The following FGF13 variants were observed in gnomAD, a reference collection of about 807,000 sequenced individuals.
The protein encoded by FGF13 is fibroblast growth factor 13.
A neutral mutation model predicts 19.5 loss-of-function variants in FGF13; 2 were observed. The observed-to-expected ratio is 0.10, with a 90% CI of 0.04 to 0.32. The LOEUF is 0.32. Among genes scored for constraint, FGF13 ranks in the 10% least tolerant of loss-of-function variants. The probability of loss-of-function intolerance (pLI) is 1.00; values close to 1 mark genes in which losing one functional copy is unlikely to be tolerated. For missense variants in FGF13, 113 were observed against 192.7 expected (o/e 0.59, Z 2.45); for synonymous variants, 72 against 76.9 (o/e 0.94, Z 0.33).
chrX:138,869,416 G>T (rs2091346019), intron 1 of FGF13, among the ~76,000 whole-genome samples: 1 of 112,535 alleles, frequency 8.9e-6, no homozygotes, highest in African/African-American at 3.2e-5. Flanking sequence ...AAAGCAGGGA[G>T]GAAGTACAGG....
intron 1 of FGF13, among the ~76,000 whole-genome samples, chrX:139,107,714 A>G (rs1233930806): frequency 9.0e-6 from 1 of 110,654 alleles, no homozygotes; most frequent in African/African-American, 3.3e-5. Flanking sequence ...AAAATATAAA[A>G]TATTAACTGA....
intron 3 of FGF13, among the ~76,000 whole-genome samples, chrX:138,790,243 G>A (rs2090732207): frequency 1.9e-5 from 2 of 106,472 alleles, no homozygotes; most frequent in Non-Finnish European, 3.9e-5. Flanking sequence ...CTCACATGGG[G>A]GAAAGAGAAC....
At chrX:138,906,309 A>G (rs1056112110) in intron 1 of FGF13, among the ~76,000 whole-genome samples, 1 of 112,348 alleles carries the variant, frequency 8.9e-6, no homozygotes, top group Non-Finnish European at 1.9e-5. Flanking sequence ...GCAGCATGCA[A>G]TAATTATTAA....
At position 138,782,133 on chromosome X, in the gene FGF13, A is replaced by G. The variant is rs745693414; in HGVS notation, c.218-73205T>C. On this transcript the variant is annotated intron_variant, in intron 3 of 6. Transcript: ENST00000436198. ...ACCCTTCATGCTAAAAACTCTCAATAAATTAGGTATTGATGGGACATATTT... is the reference window on the plus strand; with the variant it reads ...ACCCTTCATGCTAAAAACTCTCAATGAATTAGGTATTGATGGGACATATTT... 7.1e-5 allele frequency among the ~76,000 whole-genome samples: 8 copies of G among 112,176 alleles called. No homozygotes were observed. The South Asian group carries it at 3.0e-3, about 42-fold the overall frequency.
intron 1 of FGF13, among the ~76,000 whole-genome samples, chrX:139,085,990 T>C (rs2124444773): frequency 8.9e-6 from 1 of 112,751 alleles, no homozygotes; most frequent in South Asian, 3.6e-4. Flanking sequence ...ATAGTATATA[T>C]GTTAAAATGC....
At chrX:138,758,096 C>T in intron 3 of FGF13, among the ~76,000 whole-genome samples, 1 of 111,491 alleles carries the variant, frequency 9.0e-6, no homozygotes, top group Non-Finnish European at 1.9e-5. Context: ...GTGTCTGCTC[C>T]TCAAAGTCAA....
At chrX:139,033,051 A>AC (rs1556340455) in intron 1 of FGF13, among the ~76,000 whole-genome samples, 1 of 97,747 alleles carries the variant, frequency 1.0e-5, no homozygotes, top group African/African-American at 3.9e-5. Flanking sequence ...AAAAAAAAAA[A>AC]AAAACTACAG....
chrX:138,661,333 T>C (rs2089488622), intron 3 of FGF13, among the ~76,000 whole-genome samples: 1 of 112,145 alleles, frequency 8.9e-6, no homozygotes, highest in Admixed American at 9.5e-5. Context: ...TACAGAGTAA[T>C]GGTTTGCTTT....
intron 3 of FGF13, among the ~76,000 whole-genome samples, chrX:138,650,311 G>A (rs184829074): frequency 2.6e-4 from 29 of 111,904 alleles, no homozygotes; most frequent in African/African-American, 8.1e-4. Flanking sequence ...ATTAGAAGCG[G>A]CAGCAGCTAA....
chrX:138,773,913 C>A (rs1311788874), intron 3 of FGF13, among the ~76,000 whole-genome samples: 1 of 111,406 alleles, frequency 9.0e-6, no homozygotes, highest in African/African-American at 3.3e-5. Flanking sequence ...CAGGTTTTGC[C>A]TTCACAAATA....
At chrX:138,648,834 C>T (rs1428764972) in intron 3 of FGF13, among the ~76,000 whole-genome samples, 3 of 111,509 alleles carry the variant, frequency 2.7e-5, no homozygotes, top group Non-Finnish European at 5.6e-5. Flanking sequence ...ATGTCAGAAA[C>T]CTCCAGGCTC....
intron 1 of FGF13, among the ~76,000 whole-genome samples, chrX:139,121,784 C>G (rs1456542123): frequency 9.0e-6 from 1 of 110,793 alleles, no homozygotes; most frequent in Admixed American, 9.6e-5. Flanking sequence ...TCAAAGGTCC[C>G]TAGAAGCAGG....
Position 138,912,514 on chromosome X carries a change from A to T in FGF13, c.-112-47864T>A, listed in dbSNP as rs748669062. Among the ~76,000 whole-genome samples, 4 of 111,748 alleles carry T rather than the reference A, an allele frequency of 3.6e-5. No individual in the cohort carries two copies. In the South Asian group the frequency reaches 1.5e-3, roughly 43 times the overall value. On this transcript the variant is annotated intron_variant, in intron 1 of 2. Transcript: ENST00000421460. ...AAAATGCTACTGAATTAGAGTTAGA[A>T]ACTTCTATAAATATATCACTATTTA...
chrX:139,199,932 C>T (rs946496157), intron 1 of FGF13, among the ~76,000 whole-genome samples: 6 of 112,408 alleles, frequency 5.3e-5, no homozygotes, highest in Non-Finnish European at 1.1e-4. Context: ...AGAAGCTACA[C>T]GCTGCTACAA....
chrX:138,996,349 T>G (rs1474202492), intron 1 of FGF13, among the ~76,000 whole-genome samples: 1 of 112,654 alleles, frequency 8.9e-6, no homozygotes, highest in Non-Finnish European at 1.9e-5. Flanking sequence ...TCCCACGGTC[T>G]TTGCAACCAG....
intron 1 of FGF13, among the ~76,000 whole-genome samples, chrX:138,894,987 G>A (rs974222528): frequency 4.0e-4 from 45 of 111,720 alleles, no homozygotes; most frequent in African/African-American, 1.4e-3. Flanking sequence ...TTCTTCCCTC[G>A]GATACAAGGC....
chrX:138,780,816 G>A (rs1193709051), intron 3 of FGF13, among the ~76,000 whole-genome samples: 5 of 110,821 alleles, frequency 4.5e-5, no homozygotes, highest in East Asian at 2.8e-4. Context: ...CAAGCGGACC[G>A]AATAGACATC....
intron 3 of FGF13, among the ~76,000 whole-genome samples, chrX:138,774,336 C>A (rs185471495): frequency 1.9e-3 from 211 of 111,859 alleles, no homozygotes; most frequent in African/African-American, 6.5e-3. Context: ...AACTTATACA[C>A]AACTTGCTAT....
intron 1 of FGF13, among the ~76,000 whole-genome samples, chrX:138,924,671 G>C (rs1270941555): frequency 9.1e-6 from 1 of 110,414 alleles, no homozygotes. Flanking sequence ...AGGGGTTGGG[G>C]TGCAGAATTG....
Sources: gnomAD v4.1 joint callset for allele counts (sites outside exome capture counted in the v4.1 genomes callset) on GRCh38, gnomAD v4.1.1 for gene constraint, MANE v1.5 for transcripts, NCBI Gene and HGNC (gene_info 2026-07-23, HGNC 2026-07-21) for gene names.